The following ESRRG variants were observed in gnomAD, a reference collection of about 807,000 sequenced individuals.
ESRRG encodes estrogen related receptor gamma.
Under a neutral mutation model 44.0 loss-of-function variants are expected in ESRRG, and 13 were observed. The observed-to-expected ratio is 0.30, with a 90% CI of 0.19 to 0.47. ESRRG has a LOEUF of 0.47. Among genes scored for constraint, ESRRG ranks in the 20% least tolerant of loss-of-function variants. The pLI is 1.00. For synonymous variants in ESRRG, 215 were observed against 214.6 expected (o/e 1.00, Z -0.02); for missense variants, 395 against 580.6 (o/e 0.68, Z 3.29).
chr1:216,866,121 G>A (rs1577396817), intron 2 of ESRRG, among the ~76,000 whole-genome samples: 1 of 152,286 alleles, frequency 6.6e-6, no homozygotes, highest in East Asian at 1.9e-4. Flanking sequence ...TGAACATGCT[G>A]TTTAACAGCA....
chr1:216,695,102 A>G (rs1335619659), intron 1 of ESRRG, among the ~76,000 whole-genome samples: 3 of 152,200 alleles, frequency 2.0e-5, no homozygotes, highest in Admixed American at 6.5e-5. Context: ...GATGAATATT[A>G]TGGGAATCAT....
chr1:216,709,829 G>A (rs981776147), intron 1 of ESRRG, among the ~76,000 whole-genome samples: 6 of 151,984 alleles, frequency 3.9e-5, no homozygotes, highest in South Asian at 2.1e-4. Context: ...TAGAATAAAC[G>A]AAACAATAAT....
intron 3 of ESRRG, among the ~76,000 whole-genome samples, chr1:216,644,146 T>C (rs1233275912): frequency 6.6e-6 from 1 of 152,138 alleles, no homozygotes; most frequent in African/African-American, 2.4e-5. Flanking sequence ...ATACCCAGGG[T>C]CCCAATTTTC....
chr1:216,967,396 C>T (rs569134930), intron 1 of ESRRG, among the ~76,000 whole-genome samples: 15 of 152,268 alleles, frequency 9.9e-5, no homozygotes, highest in African/African-American at 3.4e-4. Flanking sequence ...CTTCACCCTG[C>T]AGTCCCCAAC....
intron 5 of ESRRG, among the ~76,000 whole-genome samples, chr1:216,520,260 G>A (rs12087167): frequency 0.21 from 31,170 of 151,890 alleles, 3,510 homozygotes; most frequent in Non-Finnish European, 0.26. Context: ...CTTAAATTTC[G>A]TATTTGGGAA....
chr1:216,766,173 A>C (rs1386861924), intron 2 of ESRRG, among the ~76,000 whole-genome samples: 1 of 152,050 alleles, frequency 6.6e-6, no homozygotes, highest in Non-Finnish European at 1.5e-5. Context: ...CCTTATTATT[A>C]TGTTAGTATT....
At chr1:216,960,409 A>C (rs1560269482) in intron 1 of ESRRG, among the ~76,000 whole-genome samples, 1 of 152,170 alleles carries the variant, frequency 6.6e-6, no homozygotes, top group Non-Finnish European at 1.5e-5. Context: ...AATTGTGTGC[A>C]TATCATTCCT....
intron 2 of ESRRG, among the ~76,000 whole-genome samples, chr1:216,841,127 C>T (rs2095646468): frequency 6.6e-6 from 1 of 152,148 alleles, no homozygotes; most frequent in Admixed American, 6.6e-5. Context: ...TCATCATCAA[C>T]TCACTCCAAA....
chr1:216,761,694 G>T (rs74141648), intron 2 of ESRRG, among the ~76,000 whole-genome samples: 216 of 152,270 alleles, frequency 1.4e-3, no homozygotes, highest in African/African-American at 4.9e-3. Flanking sequence ...GCATTAAAAG[G>T]CTGTGCTTTC....
At chr1:216,560,206 A>G (rs192018313) in intron 5 of ESRRG, among the ~76,000 whole-genome samples, 20 of 152,306 alleles carry the variant, frequency 1.3e-4, no homozygotes, top group Admixed American at 1.0e-3. Context: ...TGATAGGAAG[A>G]AAAATTATAG....
rs111604276 is a variant in ESRRG at position 216,866,565 on chromosome 1, C to CT, written c.-14+73016dup. 4.1e-4 allele frequency among the ~76,000 whole-genome samples: 59 copies of CT among 145,390 alleles called. No homozygotes were observed. In the East Asian group the frequency reaches 7.1e-3, roughly 18 times the overall value. ...TTTATCTTTCTTTGTTTCTTTCTTT[C>CT]TTTTTTTTTTTATTTTTTTTCTTTG... On this transcript the variant is annotated intron_variant, in intron 2 of 7. Transcript: ENST00000359162.
chr1:216,676,979 C>G, intron 2 of ESRRG, 97 bp downstream of exon 2: 2 of 844,262 alleles, frequency 2.4e-6, no homozygotes, highest in African/African-American at 1.7e-5. Context: ...AGAATTAAAA[C>G]TATGATACTT....
chr1:216,977,035 T>C lies in ESRRG; in HGVS notation c.-105-37362A>G, dbSNP rs578173024. 1.7e-4 allele frequency among the ~76,000 whole-genome samples: 26 copies of C among 152,254 alleles called. 1 individual carries two copies. The highest frequency in any genetic ancestry group is 6.3e-4 in the African/African-American group (26 of 41,564). ...TTAGTATAAGTCATGCCTATAGTCA[T>C]AAAAGAGTGAAAGCCAGTAGAATCT... is the stretch of plus-strand genomic sequence containing the variant. On this transcript the variant is annotated intron_variant, in intron 1 of 7. Coordinates refer to the ESRRG transcript ENST00000359162.
intron 1 of ESRRG, among the ~76,000 whole-genome samples, chr1:217,064,043 GATAT>G (rs2151381746): frequency 6.7e-6 from 1 of 148,476 alleles, no homozygotes; most frequent in African/African-American, 2.4e-5. Context: ...ACAATAAATA[GATAT>G]ATACACACCC....
At chr1:216,897,028 A>G (rs2058507793) in intron 2 of ESRRG, among the ~76,000 whole-genome samples, 1 of 152,184 alleles carries the variant, frequency 6.6e-6, no homozygotes, top group Non-Finnish European at 1.5e-5. Context: ...GAGAAGATGA[A>G]AGGGCATTTG....
chr1:216,580,279 C>T (rs996255818), intron 3 of ESRRG, among the ~76,000 whole-genome samples: 1 of 152,084 alleles, frequency 6.6e-6, no homozygotes, highest in East Asian at 1.9e-4. Flanking sequence ...AAATATGAAC[C>T]TCTTGTCAAT....
intron 1 of ESRRG, among the ~76,000 whole-genome samples, chr1:216,693,516 G>A (rs2079500904): frequency 6.6e-6 from 1 of 152,160 alleles, no homozygotes; most frequent in Non-Finnish European, 1.5e-5. Flanking sequence ...AAAGTCTACA[G>A]ATGCTCAAGT....
chr1:216,665,610 G>A (rs775136495), intron 2 of ESRRG, among the ~76,000 whole-genome samples: 33 of 152,018 alleles, frequency 2.2e-4, no homozygotes, highest in Admixed American at 9.8e-4. Context: ...CTAAAGACTC[G>A]TGAGCTATTG....
intron 2 of ESRRG, among the ~76,000 whole-genome samples, chr1:216,748,429 T>G (rs2091658121): frequency 6.6e-6 from 1 of 152,168 alleles, no homozygotes; most frequent in Non-Finnish European, 1.5e-5. Flanking sequence ...AAATGTGGCC[T>G]TGCTTTCTCT....
Sources: allele counts gnomAD v4.1 joint callset (sites outside exome capture counted in the v4.1 genomes callset), GRCh38; gene constraint gnomAD v4.1.1; transcripts MANE v1.5; gene names NCBI Gene and HGNC (gene_info 2026-07-23, HGNC 2026-07-21).